Variants in SLCO6A1 observed in about 807,000 individuals in gnomAD.
SLCO6A1 encodes solute carrier organic anion transporter family member 6A1.
Under a neutral mutation model 72.7 loss-of-function variants are expected in SLCO6A1, and 65 were observed. That is an observed-to-expected ratio of 0.89 (90% confidence interval 0.73 to 1.10). The LOEUF (loss-of-function observed/expected upper bound fraction) is 1.10, where lower values mean the gene tolerates loss of function less well. Among genes scored for constraint, SLCO6A1 ranks in the 50% least tolerant of loss-of-function variants. The pLI is 0.00. For missense variants in SLCO6A1, 874 were observed against 872.6 expected (o/e 1.00, Z -0.02); for synonymous variants, 314 against 298.2 (o/e 1.05, Z -0.55).
intron 1 of SLCO6A1, among the ~76,000 whole-genome samples, chr5:102,481,807 G>A (rs763242653): frequency 6.6e-6 from 1 of 152,126 alleles, no homozygotes; most frequent in Non-Finnish European, 1.5e-5. Flanking sequence ...TCAGTGTAAT[G>A]TTAATCCTTC....
intron 1 of SLCO6A1, among the ~76,000 whole-genome samples, chr5:102,496,576 T>G (rs1752920270): frequency 6.6e-6 from 1 of 152,206 alleles, no homozygotes; most frequent in African/African-American, 2.4e-5. Context: ...CAAAGCACCT[T>G]ACTCATGACC....
chr5:102,447,399 G>C (rs532293849), intron 6 of SLCO6A1, among the ~76,000 whole-genome samples: 46 of 152,268 alleles, frequency 3.0e-4, no homozygotes, highest in African/African-American at 9.9e-4. Flanking sequence ...TTAAGGAGGA[G>C]TACCTCCCCC....
chr5:102,391,124 CA>C (rs1746733895), intron 10 of SLCO6A1, 79 bp from the exon 11 acceptor site: 1 of 1,359,300 alleles, frequency 7.4e-7, no homozygotes, highest in African/African-American at 1.5e-5. Context: ...CAAGGCTAAT[CA>C]TTTTTTTTTT....
intron 8 of SLCO6A1, 101 bp from the exon 9 acceptor site, chr5:102,413,244 A>C (rs1748089638): frequency 8.3e-7 from 1 of 1,198,288 alleles, no homozygotes; most frequent in South Asian, 1.6e-5. Context: ...GCTTATTGAA[A>C]TAATTTCTTT....
At chr5:102,427,858 ATATATATTTT>A (rs1748989449) in intron 7 of SLCO6A1, among the ~76,000 whole-genome samples, 249 of 116,066 alleles carry the variant, frequency 2.1e-3, no homozygotes, top group African/African-American at 0.011. Context: ...ATATATATAT[ATATATATTTT>A]TTTTTTTTTT....
At chr5:102,477,295 T>C (rs1016539304) in intron 3 of SLCO6A1, among the ~76,000 whole-genome samples, 2 of 152,088 alleles carry the variant, frequency 1.3e-5, no homozygotes, top group Non-Finnish European at 2.9e-5. Flanking sequence ...CTAATTTTTT[T>C]GTATTTTTAG....
chr5:102,471,900 C>G (rs1751647045), intron 4 of SLCO6A1, among the ~76,000 whole-genome samples: 1 of 152,024 alleles, frequency 6.6e-6, no homozygotes, highest in African/African-American at 2.4e-5. Context: ...TATCACAGCC[C>G]TGAATGTCAT....
At chr5:102,495,187 G>GT (rs1752853341) in intron 1 of SLCO6A1, among the ~76,000 whole-genome samples, 1 of 152,188 alleles carries the variant, frequency 6.6e-6, no homozygotes, top group South Asian at 2.1e-4. Context: ...TCTAGGAAAT[G>GT]TAAGACTCTA....
chr5:102,414,375 C>G (rs985768948), intron 8 of SLCO6A1, among the ~76,000 whole-genome samples: 1 of 152,062 alleles, frequency 6.6e-6, no homozygotes, highest in Non-Finnish European at 1.5e-5. Flanking sequence ...ACTGGAAGTC[C>G]TAGCCAGAGC....
chr5:102,412,977 A>T lies in SLCO6A1; in HGVS notation c.1626+13T>A. The stretch of plus-strand genomic sequence containing the variant: ...ATGTATAACAAAACATAATAATTAT[A>T]AAAAATAATTACCTTTTTTTGGTTT... On this transcript the variant is annotated intron_variant, in intron 9 of 13. Coordinates refer to ENST00000506729, the MANE Select transcript of SLCO6A1 (RefSeq NM_173488.5). 1 of 1,192,224 alleles carries T rather than the reference A, an allele frequency of 8.4e-7. No homozygotes were observed. The highest frequency in any genetic ancestry group is 3.1e-4 in the Middle Eastern group (1 of 3,242). 73.9% of individuals were successfully genotyped at this position (1,192,224 alleles called of 1,614,324 possible). A position where few individuals can be genotyped will look rare whatever the true frequency, so the allele number is the denominator to read the frequency against.
intron 11 of SLCO6A1, among the ~76,000 whole-genome samples, chr5:102,390,230 TACTG>T (rs1309268151): frequency 6.6e-6 from 1 of 152,216 alleles, no homozygotes; most frequent in Admixed American, 6.5e-5. Flanking sequence ...ACTTCCTGTG[TACTG>T]ACTGACTGTT....
intron 12 of SLCO6A1, among the ~76,000 whole-genome samples, chr5:102,375,965 T>C (rs1463925569): frequency 1.3e-5 from 2 of 151,902 alleles, no homozygotes; most frequent in African/African-American, 4.8e-5. Context: ...AAAAAAGCAA[T>C]GATACACAGA....
chr5:102,382,636 T>C (rs1295648674), intron 12 of SLCO6A1, among the ~76,000 whole-genome samples: 4 of 151,626 alleles, frequency 2.6e-5, no homozygotes, highest in South Asian at 2.1e-4. Context: ...TTTCCATCTA[T>C]TAGTGTCTCC....
At chr5:102,451,271 G>T in intron 6 of SLCO6A1, among the ~76,000 whole-genome samples, 1 of 152,170 alleles carries the variant, frequency 6.6e-6, no homozygotes, top group Non-Finnish European at 1.5e-5. Context: ...ATACAGAGCT[G>T]CTACCAGCCT....
At chr5:102,447,083 G>T (rs1750153982) in intron 6 of SLCO6A1, among the ~76,000 whole-genome samples, 1 of 152,144 alleles carries the variant, frequency 6.6e-6, no homozygotes, top group Non-Finnish European at 1.5e-5. Context: ...AAAGGATATT[G>T]AATTTTATCA....
intron 7 of SLCO6A1, among the ~76,000 whole-genome samples, chr5:102,430,336 T>C (rs557622334): frequency 2.0e-5 from 3 of 152,046 alleles, no homozygotes; most frequent in Non-Finnish European, 4.4e-5. Flanking sequence ...ACTTCTAATA[T>C]TATGTTGAAT....
At chr5:102,488,724 T>A (rs1018201829) in intron 1 of SLCO6A1, among the ~76,000 whole-genome samples, 1 of 152,214 alleles carries the variant, frequency 6.6e-6, no homozygotes, top group South Asian at 2.1e-4. Flanking sequence ...CCTAGAGATA[T>A]CAGCGTTCCA....
chr5:102,433,943 C>CTTCT (rs1749360505), intron 7 of SLCO6A1, among the ~76,000 whole-genome samples: 2 of 152,020 alleles, frequency 1.3e-5, no homozygotes, highest in African/African-American at 2.4e-5. Flanking sequence ...GTTGCACAAG[C>CTTCT]TTCTCTTTTG....
rs536593011 is a variant in SLCO6A1 at position 102,486,087 on chromosome 5, C to T, written c.359-5653G>A. ...ACAAAACTCTTCAAATAAGTTGTCT[C>T]TATTTATGATTACTTTGTTTCACCA... is the stretch of plus-strand genomic sequence containing the variant. On this transcript the variant is annotated intron_variant, in intron 1 of 13. Transcript: ENST00000506729. Among the ~76,000 whole-genome samples the T allele has an allele frequency of 1.3e-4, 20 of 152,268 alleles. 1 individual carries two copies. The South Asian group carries it at 3.9e-3, about 30-fold the overall frequency.
Sources: gnomAD v4.1 joint callset for allele counts (sites outside exome capture counted in the v4.1 genomes callset) on GRCh38, gnomAD v4.1.1 for gene constraint, MANE v1.5 for transcripts, NCBI Gene and HGNC (gene_info 2026-07-23, HGNC 2026-07-21) for gene names.